Variants in CHIC2 observed in about 807,000 individuals in gnomAD.
The protein encoded by CHIC2 is cysteine-rich hydrophobic domain-containing protein 2.
CHIC2 carries 14 observed loss-of-function variants against 25.9 expected under a neutral mutation model. That is an observed-to-expected ratio of 0.54 (90% CI 0.36 to 0.85). The LOEUF is 0.85. CHIC2 is among the 40% of genes least tolerant of loss of function. CHIC2 has a pLI of 0.01. For missense variants in CHIC2, 146 were observed against 202.0 expected, an observed-to-expected ratio of 0.72 and a Z score of 1.68; for synonymous variants, 70 against 72.0, an observed-to-expected ratio of 0.97 and a Z score of 0.14.
At chr4:54,042,339 G>T (rs957060034) in intron 3 of CHIC2, among the ~76,000 whole-genome samples, 28 of 152,200 alleles carry the variant, frequency 1.8e-4, no homozygotes, top group African/African-American at 6.0e-4. Context: ...GATTAAACTA[G>T]CTTAAAAAGT....
chr4:54,065,215 T>C, upstream of CHIC2: 1 of 623,748 alleles, frequency 1.6e-6, no homozygotes, highest in Non-Finnish European at 2.0e-6. Context: ...TATAATCCAA[T>C]ATATGAGGCC....
chr4:54,011,834 T>C (rs1182381228), intron 5 of CHIC2, among the ~76,000 whole-genome samples: 1 of 151,828 alleles, frequency 6.6e-6, no homozygotes, highest in Non-Finnish European at 1.5e-5. Flanking sequence ...AATATATATA[T>C]ATATATTTTT....
chr4:54,017,297 G>GA (rs989460556), intron 3 of CHIC2, among the ~76,000 whole-genome samples: 126 of 151,234 alleles, frequency 8.3e-4, no homozygotes, highest in African/African-American at 2.9e-3. Context: ...ACATGCATCA[G>GA]AAAAAAATAT....
chr4:54,087,356 C>A, the CHIC2 span: 2 of 568,960 alleles, frequency 3.5e-6, no homozygotes. Context: ...GCAGAAGCAG[C>A]TGTTTTAACT....
chr4:54,016,292 A>G (rs1001463018), intron 3 of CHIC2, among the ~76,000 whole-genome samples: 1 of 144,432 alleles, frequency 6.9e-6, no homozygotes, highest in East Asian at 1.9e-4. Context: ...CCCATGCTAT[A>G]ATAAGAATAG....
upstream of CHIC2, chr4:54,064,811 C>G: frequency 3.8e-6 from 1 of 266,564 alleles, no homozygotes. The surrounding 1 kb of genome is among the most constrained non-coding windows in gnomAD (Gnocchi z 4.2). Flanking sequence ...GACCGGGGCG[C>G]GCGCTCCCGC....
intron 3 of CHIC2, among the ~76,000 whole-genome samples, chr4:54,019,092 A>T (rs1213277634): frequency 6.6e-6 from 1 of 151,948 alleles, no homozygotes; most frequent in Non-Finnish European, 1.5e-5. Flanking sequence ...AAAATGAATT[A>T]TTTTAACATA....
intron 5 of CHIC2, among the ~76,000 whole-genome samples, chr4:54,011,916 TAAAGA>T (rs929512555): frequency 2.6e-5 from 4 of 151,930 alleles, no homozygotes; most frequent in Non-Finnish European, 4.4e-5. Flanking sequence ...TCCTGTAAGT[TAAAGA>T]AAAGTTGAAG....
rs549194766 is a variant in CHIC2, at chr4:54,013,102, C to A, written c.447+735G>T. Among the ~76,000 whole-genome samples the A allele has an allele frequency of 3.3e-5, 5 of 151,998 alleles. No individual in the cohort carries two copies. The South Asian group carries it at 1.0e-3, about 32-fold the overall frequency. Reference sequence around the variant, plus strand: ...TAGATCTTTTCTTTTAAAGTAATAACCTGGCCATATTTAAAATAAAATATC... The same window carrying A: ...TAGATCTTTTCTTTTAAAGTAATAAACTGGCCATATTTAAAATAAAATATC... On this transcript the variant is annotated intron_variant, in intron 5 of 5. Transcript: ENST00000263921.
intron 3 of CHIC2, among the ~76,000 whole-genome samples, chr4:54,018,407 T>C (rs1355962725): frequency 3.3e-5 from 5 of 152,118 alleles, no homozygotes; most frequent in African/African-American, 1.2e-4. Flanking sequence ...ACAAATTAAA[T>C]GCCATTAGAT....
At chr4:54,024,834 G>A (rs183928182) in intron 3 of CHIC2, among the ~76,000 whole-genome samples, 325 of 152,144 alleles carry the variant, frequency 2.1e-3, no homozygotes, top group African/African-American at 7.5e-3. Flanking sequence ...CTTCTGTTTA[G>A]TTTCTCAATT....
Position 54,051,956 on chromosome 4 carries a change from T to C in CHIC2, c.120-2651A>G, listed in dbSNP as rs148398950. Among the ~76,000 whole-genome samples the C allele has an allele frequency of 7.4e-4, 113 of 152,340 alleles. 1 individual carries two copies. Among genetic ancestry groups the C allele is most frequent in the African/African-American group, 2.6e-3 (110 of 41,588 alleles). ...ATCCAGGCTTTCCTACACACTTCTTTACTAATAAGACTGTTCTCATCAGAG... is the reference window on the plus strand; with the variant it reads ...ATCCAGGCTTTCCTACACACTTCTTCACTAATAAGACTGTTCTCATCAGAG... On this transcript the variant is annotated intron_variant, in intron 1 of 5. Transcript: ENST00000263921.
At chr4:54,019,442 A>G (rs564317752) in intron 3 of CHIC2, among the ~76,000 whole-genome samples, 1 of 152,324 alleles carries the variant, frequency 6.6e-6, no homozygotes, top group East Asian at 1.9e-4. Context: ...AAAATTGCTA[A>G]AATTTTGTGA....
the CHIC2 span, among the ~76,000 whole-genome samples, chr4:54,072,814 G>T: frequency 1.1e-4 from 17 of 151,884 alleles, no homozygotes; most frequent in Non-Finnish European, 8.8e-5. Context: ...GGCTCATGCC[G>T]GTAATCCCAG....
the CHIC2 span, among the ~76,000 whole-genome samples, chr4:54,083,453 C>G: frequency 9.9e-5 from 15 of 152,182 alleles, no homozygotes; most frequent in Admixed American, 6.5e-5. Context: ...TCCATTCACT[C>G]TATCTACAGT....
the CHIC2 span, among the ~76,000 whole-genome samples, chr4:54,080,913 T>C: frequency 2.1e-5 from 3 of 143,426 alleles, no homozygotes; most frequent in African/African-American, 7.6e-5. Flanking sequence ...ATTAGCTTGA[T>C]TGTGGTAATC....
rs200650072 is a variant in CHIC2, at chr4:54,045,344, A to C, written c.330+3611T>G. ...TACCAAAGCCGGGCAGAGACACAAC[A>C]AAAAAAGAGAATTTTAGACCAATAT... On this transcript the variant is annotated intron_variant, in intron 3 of 5. Transcript: ENST00000263921. 0.012 allele frequency among the ~76,000 whole-genome samples: 1,890 copies of C among 152,228 alleles called. 104 individuals are homozygous for C. The East Asian group carries it at 0.19, about 16-fold the overall frequency.
At chr4:54,016,158 C>T (rs908391540) in intron 3 of CHIC2, among the ~76,000 whole-genome samples, 13 of 152,066 alleles carry the variant, frequency 8.5e-5, no homozygotes, top group Non-Finnish European at 1.9e-4. Flanking sequence ...AACAAGTTTT[C>T]CAAGCCCACT....
chr4:54,064,407 G>A lies in CHIC2; in HGVS notation c.-107C>T. The A allele has an allele frequency of 6.5e-7, 1 of 1,540,394 alleles. No homozygotes were observed. Among genetic ancestry groups the A allele is most frequent in the Non-Finnish European group, 8.7e-7 (1 of 1,146,006 alleles). On this transcript the variant is annotated 5_prime_UTR_variant, in exon 1 of 6. Coordinates refer to ENST00000263921, the MANE Select transcript of CHIC2 (RefSeq NM_012110.4). This position sits in a 1 kb window ranked among gnomAD's most constrained non-coding sequence, Gnocchi z 4.2. ...CTGAGGGGAGTCGCCGCTGCCGCCG[G>A]CTCCGAGGCCGCGGAGTTCGCTGTC... is the stretch of plus-strand genomic sequence containing the variant.
Sources: gnomAD v4.1 joint callset for allele counts (sites outside exome capture counted in the v4.1 genomes callset) on GRCh38, gnomAD v4.1.1 for gene constraint, Gnocchi (gnomAD v3.1) non-coding constraint, MANE v1.5 for transcripts, NCBI Gene and HGNC (gene_info 2026-07-23, HGNC 2026-07-21) for gene names.